CD163: variants seen among roughly 807,000 people sequenced by gnomAD.
CD163 encodes the protein scavenger receptor cysteine-rich type 1 protein M130.
In CD163, 64 loss-of-function variants were observed where a neutral mutation model predicts 129.2. The ratio of observed to expected loss-of-function variants is 0.50; its 90% CI spans 0.41 to 0.61. The LOEUF is 0.61. Ranked by LOEUF, CD163 falls within the 20% of genes least tolerant of loss-of-function variation. CD163 has a pLI of 0.00. For synonymous variants in CD163, 446 were observed against 478.5 expected, an observed-to-expected ratio of 0.93 and a Z score of 0.89; for missense variants, 1,061 against 1,377.9, an observed-to-expected ratio of 0.77 and a Z score of 3.64.
At chr12:7,483,738 G>C in intron 11 of CD163, 63 bp from the exon 12 acceptor site, 1 of 1,041,538 alleles carries the variant, frequency 9.6e-7, no homozygotes, top group Non-Finnish European at 1.3e-6. Flanking sequence ...GAGTTCACAG[G>C]TGAAAAGAGA....
rs199597528 is a variant in CD163, at chr12:7,495,713, CAT to C, written c.1100-314_1100-313del. Reference sequence around the variant, plus strand: ...AGAAGGCATTTATGCGGACAACAAACATATGAAAAATAGCTTATCAACAATGG... The same window carrying C: ...AGAAGGCATTTATGCGGACAACAAACATGAAAAATAGCTTATCAACAATGG... On this transcript the variant is annotated intron_variant, in intron 5 of 16. Coordinates refer to ENST00000432237, the MANE Select transcript of CD163 (RefSeq NM_203416.4). 3.8e-3 allele frequency among the ~76,000 whole-genome samples: 572 copies of C among 152,246 alleles called. 26 individuals carry two copies. In the East Asian group the frequency reaches 0.091, roughly 24 times the overall value.
At chr12:7,497,965 G>C (rs1949424960) in intron 4 of CD163, among the ~76,000 whole-genome samples, 1 of 152,152 alleles carries the variant, frequency 6.6e-6, no homozygotes, top group Admixed American at 6.5e-5. Flanking sequence ...ACAAGAAAAA[G>C]CTTGTTCAAG....
Position 7,501,412 on chromosome 12 carries a change from C to T in CD163, c.184G>A (p.Gly62Arg), listed in dbSNP as rs999756429. The change falls in exon 3 of 17, where the codon GGG becomes AGG. Residue 62 changes from glycine to arginine, a missense_variant. By Grantham distance (125) the Gly-to-Arg change is moderately radical. Transcript: ENST00000432237. Reference sequence around the variant, plus strand: ...TCCTGGACTTTCACTTCCACTCTCCCGCTACACTTGTTTTCACCATCCACT... The same window carrying T: ...TCCTGGACTTTCACTTCCACTCTCCTGCTACACTTGTTTTCACCATCCACT... Reference protein sequence around the residue: ...RLVDGENKCSGRVEVKVQEEW... With the variant: ...RLVDGENKCSRRVEVKVQEEW... The T allele has an allele frequency of 4.3e-6, 7 of 1,613,984 alleles. No individual in the cohort carries two copies. Among genetic ancestry groups the T allele is most frequent in the Non-Finnish European group, 5.9e-6 (7 of 1,179,964 alleles).
intron 16 of CD163, among the ~76,000 whole-genome samples, chr12:7,474,825 C>G (rs1949062420): frequency 6.6e-6 from 1 of 151,936 alleles, no homozygotes; most frequent in Non-Finnish European, 1.5e-5. Context: ...CGACAGACCA[C>G]TAGCCAGACT....
intron 5 of CD163, 51 bp from the exon 6 acceptor site, chr12:7,495,452 C>A: frequency 6.5e-7 from 1 of 1,531,500 alleles, no homozygotes; most frequent in Non-Finnish European, 8.9e-7. Flanking sequence ...AGGTTAGCTT[C>A]CAGAGGATTT....
intron 5 of CD163, among the ~76,000 whole-genome samples, chr12:7,496,000 A>G (rs577908045): frequency 6.6e-6 from 1 of 152,252 alleles, no homozygotes; most frequent in South Asian, 2.1e-4. Context: ...ATTATAAATC[A>G]TTCTACTATA....
At chr12:7,501,031 G>A in intron 3 of CD163, 108 bp downstream of exon 3, 1 of 882,354 alleles carries the variant, frequency 1.1e-6, no homozygotes, top group Non-Finnish European at 1.8e-6. Context: ...TTTTATACAT[G>A]AACTAGATTG....
chr12:7,495,433 T>C (rs1301267182), intron 5 of CD163, 32 bp from the exon 6 acceptor site: 2 of 1,596,044 alleles, frequency 1.3e-6, no homozygotes, highest in Admixed American at 1.7e-5. Context: ...AAACCATCGA[T>C]ACATATGGAG....
intron 5 of CD163, among the ~76,000 whole-genome samples, chr12:7,495,786 T>C (rs1267427175): frequency 1.3e-5 from 2 of 151,874 alleles, no homozygotes; most frequent in African/African-American, 4.8e-5. Flanking sequence ...TACCATCTCA[T>C]CCCAGTTAGA....
intron 11 of CD163, 115 bp downstream of exon 11, chr12:7,484,981 C>T (rs1949227691): frequency 1.1e-6 from 1 of 927,548 alleles, no homozygotes; most frequent in Admixed American, 2.3e-5. Flanking sequence ...TTGCTTAATT[C>T]AATCTAACAA....
At chr12:7,480,202 T>C in intron 15 of CD163, 1 of 432,710 alleles carries the variant, frequency 2.3e-6, no homozygotes, top group Non-Finnish European at 4.0e-6. Context: ...CCTGACACAG[T>C]AGCAGATGCA....
chr12:7,488,320 G>T (rs956720545), intron 6 of CD163, among the ~76,000 whole-genome samples: 7 of 152,114 alleles, frequency 4.6e-5, no homozygotes, highest in Non-Finnish European at 1.0e-4. Context: ...ACCTTGTGCA[G>T]CCAACCATCC....
chr12:7,474,148 AT>A (rs1490674835), intron 16 of CD163, among the ~76,000 whole-genome samples: 2 of 152,122 alleles, frequency 1.3e-5, no homozygotes, highest in African/African-American at 4.8e-5. Context: ...TTAAAACCCC[AT>A]TGTCAATATT....
At chr12:7,478,277 T>C (rs1949115366) in intron 16 of CD163, among the ~76,000 whole-genome samples, 2 of 152,150 alleles carry the variant, frequency 1.3e-5, no homozygotes, top group African/African-American at 4.8e-5. Flanking sequence ...AACTGCCAGA[T>C]TGCTTTCTCC....
In CD163 at chr12:7,483,625, T is replaced by C. The variant is rs750247723; in HGVS notation, c.2830A>G (p.Ile944Val). ...GTCCCCCAGGAACCTCCATGCCAGATCTCCACACGTCCAGAACAGGAAGTG... is the reference window on the plus strand; with the variant it reads ...GTCCCCCAGGAACCTCCATGCCAGACCTCCACACGTCCAGAACAGGAAGTG... ...GPTSCSGRVE[I>V]WHGGSWGTVC... The change falls in exon 12 of 17, where the codon ATC (isoleucine) becomes GTC (valine). Residue 944 changes from isoleucine (I) to valine (V), a missense_variant. Transcript: ENST00000432237. The C allele has an allele frequency of 6.2e-7, 1 of 1,613,676 alleles. No homozygotes were observed. The highest frequency in any genetic ancestry group is 1.3e-5 in the African/African-American group (1 of 74,864).
In CD163 at chr12:7,479,897, TG is replaced by T; in HGVS notation, c.3359del (p.Pro1120HisfsTer10). On this transcript the variant is annotated frameshift_variant, in exon 16 of 17. Coordinates refer to ENST00000432237, the MANE Select transcript of CD163 (RefSeq NM_203416.4). LOFTEE classifies it high-confidence loss of function. ...TAAATTCCCATTTTCCTTTTCAGTG[TG>T]GCTCAGAATGGCCTCCTTTTCCATT... The part of the protein sequence containing the change: ...LMNSSGGHSE[P>X]H 6.8e-6 allele frequency: 11 copies of T among 1,612,860 alleles called. No homozygotes were observed. The highest frequency in any genetic ancestry group is 9.3e-6 in the Non-Finnish European group (11 of 1,179,398).
At chr12:7,486,111 T>C (rs1480888463) in intron 10 of CD163, among the ~76,000 whole-genome samples, 1 of 152,186 alleles carries the variant, frequency 6.6e-6, no homozygotes, top group Non-Finnish European at 1.5e-5. Context: ...GTAATTATCT[T>C]TTTTTCTGTA....
In CD163 at chr12:7,487,703, C is replaced by T. The variant is rs1046887322; in HGVS notation, c.1736-30G>A. 1.9e-6 allele frequency: 3 copies of T among 1,614,142 alleles called. No individual in the cohort carries two copies. The highest frequency in any genetic ancestry group is 1.7e-5 in the Admixed American group (1 of 60,016). ...AAGGAGACAGGGCTTTAGAAAAAGA[C>T]AGCTATGACTCCCTAACCCTGTCCC... On this transcript the variant is annotated intron_variant, in intron 7 of 16. Coordinates refer to ENST00000432237, the MANE Select transcript of CD163 (RefSeq NM_203416.4). This position sits in a 1 kb window ranked among gnomAD's most constrained non-coding sequence, Gnocchi z 5.1.
rs773138023 is a variant in CD163, at chr12:7,482,775, A to C, written c.3128-13T>G. The C allele has an allele frequency of 6.2e-7, 1 of 1,613,760 alleles. No individual in the cohort carries two copies. Among genetic ancestry groups the C allele is most frequent in the African/African-American group, 1.3e-5 (1 of 75,032 alleles). On this transcript the variant is annotated splice_polypyrimidine_tract_variant and intron_variant, in intron 13 of 16. Coordinates refer to ENST00000432237, the MANE Select transcript of CD163 (RefSeq NM_203416.4). ...CGGGATGAGCGACCTAAGTAAAAGT[A>C]AATATCAAGAGATATGATCATGTCT...
Sources: allele counts gnomAD v4.1 joint callset (sites outside exome capture counted in the v4.1 genomes callset), GRCh38; gene constraint gnomAD v4.1.1; non-coding constraint Gnocchi (gnomAD v3.1); transcripts MANE v1.5; gene names NCBI Gene and HGNC (gene_info 2026-07-23, HGNC 2026-07-21).